Variants in LIN7C observed in about 807,000 individuals in gnomAD.
LIN7C encodes lin-7 cell polarity scaffold C.
Under a neutral mutation model 24.7 loss-of-function variants are expected in LIN7C, and 17 were observed. The ratio of observed to expected loss-of-function variants is 0.69; its 90% CI spans 0.47 to 1.03. LIN7C has a LOEUF of 1.03. LIN7C is among the 50% of genes least tolerant of loss of function. The probability of loss-of-function intolerance (pLI) is 0.00; values close to 1 mark genes in which losing one functional copy is unlikely to be tolerated. For missense variants in LIN7C, 204 were observed against 239.0 expected (o/e 0.85, Z 0.97); for synonymous variants, 90 against 83.4 (o/e 1.08, Z -0.43).
rs1309716889 is a variant in LIN7C, at chr11:27,497,995, AAACT to A, written c.*650_*653del. 6.6e-6 allele frequency: 1 copy of A among 152,168 alleles called. No homozygotes were observed. Among genetic ancestry groups the A allele is most frequent in the Non-Finnish European group, 1.5e-5 (1 of 67,990 alleles). 9.4% of individuals were successfully genotyped at this position (152,168 alleles called of 1,614,324 possible). A position where few individuals can be genotyped will look rare whatever the true frequency, so the allele number is the denominator to read the frequency against. On this transcript the variant is annotated 3_prime_UTR_variant, in exon 5 of 5. Transcript: ENST00000278193. Reference sequence around the variant, plus strand: ...TAGCAATGATTGTTTCAGTGTTTAAAAACTTACTTTCATAAATCAGTATAAATGA... The same window carrying A: ...TAGCAATGATTGTTTCAGTGTTTAAATACTTTCATAAATCAGTATAAATGA...
chr11:27,499,029 A>G (rs1366507299), intron 4 of LIN7C, among the ~76,000 whole-genome samples: 1 of 152,192 alleles, frequency 6.6e-6, no homozygotes, highest in East Asian at 1.9e-4. Context: ...TTAAGTTCCA[A>G]ATAATTAGCA....
intron 1 of LIN7C, among the ~76,000 whole-genome samples, chr11:27,504,029 G>A (rs947365446): frequency 6.6e-6 from 1 of 152,044 alleles, no homozygotes; most frequent in Non-Finnish European, 1.5e-5. Context: ...TGTTGGCCAG[G>A]CTAGTCTCAA....
Position 27,501,946 on chromosome 11 carries a change from A to C in LIN7C, c.38-26T>G, listed in dbSNP as rs777056794. 9 of 1,432,376 alleles carry C rather than the reference A, an allele frequency of 6.3e-6. No homozygotes were observed. In the African/African-American group the frequency reaches 1.3e-4, roughly 20 times the overall value. The allele number at this position is 1,432,376 out of a possible 1,614,324, so 88.7% of individuals were successfully genotyped here. A position where few individuals can be genotyped will look rare whatever the true frequency, so the allele number is the denominator to read the frequency against. On this transcript the variant is annotated intron_variant, in intron 1 of 4. Transcript: ENST00000278193. ...CTAGAGTTAAACACACACACAGATA[A>C]TTTTCTCCAAGGGTTTTCTCAATGC...
rs2133486365 is a variant in LIN7C at position 27,498,144 on chromosome 11, T to C, written c.*505A>G. Reference sequence around the variant, plus strand: ...CAAAGTACAAAATGCAGCAATGATGTTAACATTGACAGTGTAATGAACTGC... The same window carrying C: ...CAAAGTACAAAATGCAGCAATGATGCTAACATTGACAGTGTAATGAACTGC... On this transcript the variant is annotated 3_prime_UTR_variant, in exon 5 of 5. Coordinates refer to ENST00000278193, the MANE Select transcript of LIN7C (RefSeq NM_018362.4). The C allele has an allele frequency of 6.5e-6, 1 of 152,878 alleles. No homozygotes were observed. The highest frequency in any genetic ancestry group is 2.4e-5 in the African/African-American group (1 of 41,586). 9.5% of individuals were successfully genotyped at this position (152,878 alleles called of 1,614,324 possible). A position where few individuals can be genotyped will look rare whatever the true frequency, so the allele number is the denominator to read the frequency against.
Position 27,496,004 on chromosome 11 carries a change from A to C in LIN7C, c.*2645T>G, listed in dbSNP as rs1303689603. 6.6e-6 allele frequency: 1 copy of C among 151,140 alleles called. No individual in the cohort carries two copies. Among genetic ancestry groups the C allele is most frequent in the Non-Finnish European group, 1.5e-5 (1 of 67,802 alleles). The allele number at this position is 151,140 out of a possible 1,614,324, so 9.4% of individuals were successfully genotyped here. Reference sequence around the variant, plus strand: ...AAACAAACAAACCAAAAAAAAAACAAAAAAAAAACCTAAGAAATGTAATTA... The same window carrying C: ...AAACAAACAAACCAAAAAAAAAACACAAAAAAAACCTAAGAAATGTAATTA... On this transcript the variant is annotated 3_prime_UTR_variant, in exon 5 of 5. Transcript: ENST00000278193.
In LIN7C at chr11:27,498,310, C is replaced by A. The variant is rs759313343; in HGVS notation, c.*339G>T. The A allele has an allele frequency of 3.6e-5, 6 of 168,482 alleles. No homozygotes were observed. The highest frequency in any genetic ancestry group is 1.3e-4 in the Admixed American group (2 of 15,734). The allele number at this position is 168,482 out of a possible 1,614,324, so 10.4% of individuals were successfully genotyped here. ...GCTAAATGAAGAAAACTTTTCCTTTCTAAAAAAAGATTAAGAATGTAAAAG... is the reference window on the plus strand; with the variant it reads ...GCTAAATGAAGAAAACTTTTCCTTTATAAAAAAAGATTAAGAATGTAAAAG... On this transcript the variant is annotated 3_prime_UTR_variant, in exon 5 of 5. Transcript: ENST00000278193.
chr11:27,496,050 T>C lies in LIN7C; in HGVS notation c.*2599A>G, dbSNP rs547691270. 1.3e-5 allele frequency: 2 copies of C among 151,820 alleles called. No individual in the cohort carries two copies. The highest frequency in any genetic ancestry group is 4.2e-4 in the South Asian group (2 of 4,804). 9.4% of individuals were successfully genotyped at this position (151,820 alleles called of 1,614,324 possible). On this transcript the variant is annotated 3_prime_UTR_variant, in exon 5 of 5. Coordinates refer to ENST00000278193, the MANE Select transcript of LIN7C (RefSeq NM_018362.4). ...AATTAATCATTAAGTAGCTGCAAAT[T>C]GAACTGTTCTATTTTGATACTTCCT... is the stretch of plus-strand genomic sequence containing the variant.
rs1865192859 is a variant in LIN7C at position 27,498,601 on chromosome 11, A to G, written c.*48T>C. Reference sequence around the variant, plus strand: ...GCAGCCATTAGTAAGTCACAAGGAAAACTTCTCTAGCTAAAACGCAAAATG... The same window carrying G: ...GCAGCCATTAGTAAGTCACAAGGAAGACTTCTCTAGCTAAAACGCAAAATG... On this transcript the variant is annotated 3_prime_UTR_variant, in exon 5 of 5. Coordinates refer to ENST00000278193, the MANE Select transcript of LIN7C (RefSeq NM_018362.4). The G allele has an allele frequency of 5.7e-6, 9 of 1,570,902 alleles. No individual in the cohort carries two copies. The highest frequency in any genetic ancestry group is 6.9e-6 in the Non-Finnish European group (8 of 1,152,584).
intron 4 of LIN7C, 124 bp from the exon 5 acceptor site, chr11:27,498,928 A>G (rs1019451454): frequency 3.1e-5 from 25 of 804,550 alleles, no homozygotes; most frequent in Non-Finnish European, 4.5e-5. Context: ...TTCCAACATT[A>G]CAAAACTAAG....
intron 3 of LIN7C, among the ~76,000 whole-genome samples, chr11:27,500,597 T>C (rs2133488496): frequency 6.6e-6 from 1 of 152,322 alleles, no homozygotes; most frequent in East Asian, 1.9e-4. Context: ...ACCATTTTTT[T>C]GTGATGGATC....
intron 1 of LIN7C, 36 bp from the exon 2 acceptor site, chr11:27,501,956 AG>A (rs1314538601): frequency 7.3e-7 from 1 of 1,366,724 alleles, no homozygotes; most frequent in African/African-American, 1.4e-5. Flanking sequence ...ATTTTCTCCA[AG>A]GGTTTTCTCA....
chr11:27,505,537 A>T (rs534471521), intron 1 of LIN7C, among the ~76,000 whole-genome samples: 1 of 152,332 alleles, frequency 6.6e-6, no homozygotes, highest in East Asian at 1.9e-4. Context: ...ATGATGCTTT[A>T]ATAGGCTTAA....
chr11:27,502,763 C>T (rs767987785), intron 1 of LIN7C, among the ~76,000 whole-genome samples: 2 of 152,042 alleles, frequency 1.3e-5, no homozygotes, highest in African/African-American at 2.4e-5. Context: ...CCACAAAATA[C>T]ATAAAAAAGG....
intron 1 of LIN7C, among the ~76,000 whole-genome samples, chr11:27,504,801 A>G (rs1226515111): frequency 6.6e-6 from 1 of 152,226 alleles, no homozygotes; most frequent in African/African-American, 2.4e-5. Flanking sequence ...GGGAATAAGG[A>G]CAAGAAAAAA....
In LIN7C at chr11:27,501,889, T is replaced by C. The variant is rs1018450308; in HGVS notation, c.69A>G (p.Lys23=). The change falls in exon 2 of 5, where the codon AAA becomes AAG. Residue 23 remains lysine, a synonymous_variant. Coordinates refer to ENST00000278193, the MANE Select transcript of LIN7C (RefSeq NM_018362.4). ...GTGGTACTTCTCCACTCCTTTGTAGTTTTTCCAATAATTCAATTGCTCTAC... is the reference window on the plus strand; with the variant it reads ...GTGGTACTTCTCCACTCCTTTGTAGCTTTTCCAATAATTCAATTGCTCTAC... The part of the protein sequence containing the change: ...DICRAIELLE[K]LQRSGEVPPQ... 6.2e-7 allele frequency: 1 copy of C among 1,610,674 alleles called. No homozygotes were observed. Among genetic ancestry groups the C allele is most frequent in the African/African-American group, 1.3e-5 (1 of 74,970 alleles).
chr11:27,497,821 A>G lies in LIN7C; in HGVS notation c.*828T>C, dbSNP rs1363275512. 2 of 152,154 alleles carry G rather than the reference A, an allele frequency of 1.3e-5. No homozygotes were observed. Among genetic ancestry groups the G allele is most frequent in the African/African-American group, 2.4e-5 (1 of 41,460 alleles). 9.4% of individuals were successfully genotyped at this position (152,154 alleles called of 1,614,324 possible). A position where few individuals can be genotyped will look rare whatever the true frequency, so the allele number is the denominator to read the frequency against. ...ACTGTGCATTTAAATAAAAATGAAT[A>G]GTATTTAAAAGAAATCACAAAAGAT... On this transcript the variant is annotated 3_prime_UTR_variant, in exon 5 of 5. Coordinates refer to ENST00000278193, the MANE Select transcript of LIN7C (RefSeq NM_018362.4).
intron 1 of LIN7C, among the ~76,000 whole-genome samples, chr11:27,503,211 TCTCA>T (rs1865242360): frequency 6.6e-6 from 1 of 152,200 alleles, no homozygotes; most frequent in Non-Finnish European, 1.5e-5. Flanking sequence ...ATTAGGGAAT[TCTCA>T]CTGAGAAGTG....
intron 1 of LIN7C, among the ~76,000 whole-genome samples, chr11:27,505,161 C>T (rs1865264854): frequency 6.6e-6 from 1 of 152,096 alleles, no homozygotes; most frequent in Non-Finnish European, 1.5e-5. Flanking sequence ...GGTGAAACCC[C>T]GTCTCTACTA....
intron 1 of LIN7C, among the ~76,000 whole-genome samples, chr11:27,504,561 C>T (rs1489663212): frequency 6.6e-6 from 1 of 152,004 alleles, no homozygotes; most frequent in Non-Finnish European, 1.5e-5. Context: ...ACTTTCTTAC[C>T]CTGCTAAATG....
Sources: allele counts gnomAD v4.1 joint callset (sites outside exome capture counted in the v4.1 genomes callset), GRCh38; gene constraint gnomAD v4.1.1; transcripts MANE v1.5; gene names NCBI Gene and HGNC (gene_info 2026-07-23, HGNC 2026-07-21).